Variants in KIF13B observed in about 807,000 individuals in gnomAD.
KIF13B encodes kinesin family member 13B, also known as kinesin-like protein KIF13B.
KIF13B carries 127 observed loss-of-function variants against 222.0 expected under a neutral mutation model. The ratio of observed to expected loss-of-function variants is 0.57; its 90% CI spans 0.50 to 0.66. The LOEUF (loss-of-function observed/expected upper bound fraction) is 0.66, where lower values mean the gene tolerates loss of function less well. Among genes scored for constraint, KIF13B ranks in the 30% least tolerant of loss-of-function variants. The probability of loss-of-function intolerance (pLI) is 0.00; values close to 1 mark genes in which losing one functional copy is unlikely to be tolerated. For missense variants in KIF13B, 2,173 were observed against 2,379.0 expected, an observed-to-expected ratio of 0.91 and a Z score of 1.80; for synonymous variants, 976 against 919.0, an observed-to-expected ratio of 1.06 and a Z score of -1.12.
At chr8:29,225,222 G>C (rs1014919639) in intron 2 of KIF13B, among the ~76,000 whole-genome samples, 3 of 152,252 alleles carry the variant, frequency 2.0e-5, no homozygotes, top group African/African-American at 7.2e-5. Context: ...GGAAGGCACA[G>C]AAGCTTTTTC....
At chr8:29,247,360 C>G (rs955003400) in intron 1 of KIF13B, among the ~76,000 whole-genome samples, 9 of 152,124 alleles carry the variant, frequency 5.9e-5, no homozygotes, top group Admixed American at 5.9e-4. Flanking sequence ...TGCACTACAG[C>G]CTGGGCAAAA....
chr8:29,209,418 C>T (rs1343523712), intron 2 of KIF13B, among the ~76,000 whole-genome samples: 3 of 152,154 alleles, frequency 2.0e-5, no homozygotes, highest in Non-Finnish European at 4.4e-5. Flanking sequence ...ACAAGCTCCT[C>T]CCACCATCCT....
intron 36 of KIF13B, among the ~76,000 whole-genome samples, chr8:29,097,254 AG>A (rs1808574926): frequency 9.1e-6 from 1 of 109,702 alleles, no homozygotes; most frequent in Non-Finnish European, 2.1e-5. Flanking sequence ...CCACTCTATC[AG>A]GAAGATATAA....
chr8:29,116,857 T>C lies in KIF13B; in HGVS notation c.3811A>G (p.Ile1271Val). ...TGGCGGCCGTGAACATTGACACAGA[T>C]TCTCTTGCGTAACACCAGTTGCATG... is the stretch of plus-strand genomic sequence containing the variant. ...ADMQLVLRKR[I>V]CVNVHGRQGF... The change falls in exon 31 of 40, where the codon ATC (isoleucine) becomes GTC (valine). Residue 1271 changes from isoleucine to valine, a missense_variant. Physicochemically the swap from Ile to Val is conservative, Grantham distance 29. Coordinates refer to ENST00000524189, the MANE Select transcript of KIF13B (RefSeq NM_015254.4). 2 of 1,564,658 alleles carry C rather than the reference T, an allele frequency of 1.3e-6. No homozygotes were observed. The highest frequency in any genetic ancestry group is 1.7e-6 in the Non-Finnish European group (2 of 1,150,580).
intron 32 of KIF13B, among the ~76,000 whole-genome samples, chr8:29,112,944 T>C (rs1809423659): frequency 6.6e-6 from 1 of 152,158 alleles, no homozygotes; most frequent in African/African-American, 2.4e-5. Flanking sequence ...ATAATAATCA[T>C]AGTAACAACG....
chr8:29,193,894 C>T (rs371732841), intron 3 of KIF13B, among the ~76,000 whole-genome samples: 3 of 152,050 alleles, frequency 2.0e-5, no homozygotes, highest in South Asian at 2.1e-4. Context: ...CTCAGCTCAC[C>T]GCAAGCTCCA....
At chr8:29,171,520 C>T (rs1003329542) in intron 10 of KIF13B, among the ~76,000 whole-genome samples, 1 of 151,948 alleles carries the variant, frequency 6.6e-6, no homozygotes, top group Admixed American at 6.6e-5. Context: ...TGGAAGTATG[C>T]CCATGTCAAA....
At chr8:29,125,330 G>A (rs1438317159) in intron 26 of KIF13B, among the ~76,000 whole-genome samples, 1 of 152,142 alleles carries the variant, frequency 6.6e-6, no homozygotes, top group Non-Finnish European at 1.5e-5. Context: ...AGACTGGGTA[G>A]GTCAGTGGAA....
intron 2 of KIF13B, among the ~76,000 whole-genome samples, chr8:29,203,434 T>A (rs1813786800): frequency 6.6e-6 from 1 of 152,190 alleles, no homozygotes; most frequent in African/African-American, 2.4e-5. Context: ...AGACACTATC[T>A]TTCTTAAACA....
intron 30 of KIF13B, 83 bp from the exon 31 acceptor site, chr8:29,117,090 G>T: frequency 7.9e-7 from 1 of 1,262,340 alleles, no homozygotes; most frequent in Non-Finnish European, 1.1e-6. Flanking sequence ...CTTGGCTCAG[G>T]CTGAAAGGGC....
intron 2 of KIF13B, among the ~76,000 whole-genome samples, chr8:29,229,913 T>C (rs760704664): frequency 6.2e-4 from 95 of 152,216 alleles, no homozygotes; most frequent in African/African-American, 1.3e-3. Flanking sequence ...TTAATATTTA[T>C]TGAGTACCTA....
At chr8:29,160,018 G>A (rs1586860003) in intron 13 of KIF13B, among the ~76,000 whole-genome samples, 1 of 152,136 alleles carries the variant, frequency 6.6e-6, no homozygotes, top group Admixed American at 6.5e-5. Flanking sequence ...TGTTAGAGTC[G>A]TGTAGTCCAT....
intron 13 of KIF13B, among the ~76,000 whole-genome samples, chr8:29,159,835 GAC>G (rs1389919683): frequency 1.3e-5 from 2 of 152,192 alleles, no homozygotes; most frequent in Non-Finnish European, 2.9e-5. Context: ...TTCTCAAAAT[GAC>G]ACAGAGTCAC....
At chr8:29,175,610 T>A (rs554714268) in intron 10 of KIF13B, among the ~76,000 whole-genome samples, 2 of 152,216 alleles carry the variant, frequency 1.3e-5, no homozygotes, top group African/African-American at 4.8e-5. Flanking sequence ...ATTAAAGGCA[T>A]CATGAGTAAA....
chr8:29,140,358 G>T, intron 20 of KIF13B, 110 bp downstream of exon 20: 1 of 1,385,930 alleles, frequency 7.2e-7, no homozygotes, highest in Non-Finnish European at 9.8e-7. Flanking sequence ...GGAAACACAA[G>T]GTATTAATAA....
chr8:29,191,399 G>A (rs569055301), intron 3 of KIF13B, among the ~76,000 whole-genome samples: 75 of 151,910 alleles, frequency 4.9e-4, no homozygotes, highest in African/African-American at 1.8e-3. Flanking sequence ...TTTTATTTTT[G>A]TAGTCAAAGA....
chr8:29,070,914 C>G lies in KIF13B; in HGVS notation c.5219-148G>C. The G allele has an allele frequency of 1.1e-6, 1 of 875,262 alleles. No individual in the cohort carries two copies. The highest frequency in any genetic ancestry group is 1.7e-6 in the Non-Finnish European group (1 of 571,690). The allele number at this position is 875,262 out of a possible 1,614,324, so 54.2% of individuals were successfully genotyped here. A position where few individuals can be genotyped will look rare whatever the true frequency, so the allele number is the denominator to read the frequency against. Reference sequence around the variant, plus strand: ...CCAGCACTCGGACACTGGCCATTGTCTGGCAGGGACTGGCTAAATGAATGT... The same window carrying G: ...CCAGCACTCGGACACTGGCCATTGTGTGGCAGGGACTGGCTAAATGAATGT... On this transcript the variant is annotated intron_variant, in intron 39 of 39. Transcript: ENST00000524189. This position sits in a 1 kb window ranked among gnomAD's most constrained non-coding sequence, Gnocchi z 4.1.
chr8:29,083,196 C>T (rs929696964), intron 37 of KIF13B, among the ~76,000 whole-genome samples: 3 of 152,076 alleles, frequency 2.0e-5, no homozygotes, highest in African/African-American at 7.2e-5. Context: ...ATGGCTTTTA[C>T]ATTCTTAATG....
chr8:29,098,153 A>G (rs1012909690), intron 36 of KIF13B, among the ~76,000 whole-genome samples: 10 of 141,374 alleles, frequency 7.1e-5, no homozygotes, highest in African/African-American at 2.7e-4. Context: ...CCTGGGCGAC[A>G]GAGTCAGACT....
Sources: gnomAD v4.1 joint callset for allele counts (sites outside exome capture counted in the v4.1 genomes callset) on GRCh38, gnomAD v4.1.1 for gene constraint, Gnocchi (gnomAD v3.1) non-coding constraint, MANE v1.5 for transcripts, NCBI Gene and HGNC (gene_info 2026-07-23, HGNC 2026-07-21) for gene names.